The following DLC1 variants were observed in gnomAD, a reference collection of about 807,000 sequenced individuals.
The protein encoded by DLC1 is rho GTPase-activating protein 7.
Under a neutral mutation model 140.3 loss-of-function variants are expected in DLC1, and 54 were observed. The ratio of observed to expected loss-of-function variants is 0.38; its 90% CI spans 0.31 to 0.48. The LOEUF is 0.48. Ranked by LOEUF, DLC1 falls within the 20% of genes least tolerant of loss-of-function variation. The pLI is 0.96. For synonymous variants in DLC1, 986 were observed against 728.1 expected (o/e 1.35, Z -5.70); for missense variants, 2,536 against 1,907.0 (o/e 1.33, Z -6.14).
intron 5 of DLC1, among the ~76,000 whole-genome samples, chr8:13,237,626 C>G (rs73560341): frequency 0.015 from 2,312 of 152,136 alleles, 66 homozygotes; most frequent in African/African-American, 0.053. Flanking sequence ...TACCTCCCCA[C>G]CTGAGTCCCC....
intron 2 of DLC1, among the ~76,000 whole-genome samples, chr8:13,405,978 C>G (rs1296039320): frequency 3.7e-5 from 2 of 54,466 alleles, no homozygotes; most frequent in Non-Finnish European, 3.7e-5. Context: ...TCTTTCATCT[C>G]TCTCTCTCTC....
chr8:13,360,855 C>G (rs1321247893), intron 4 of DLC1, among the ~76,000 whole-genome samples: 1 of 151,728 alleles, frequency 6.6e-6, no homozygotes, highest in Non-Finnish European at 1.5e-5. Context: ...TTTTGCATGG[C>G]TGGGCTCATG....
chr8:13,579,245 C>CATATATATATATATATATAT (rs749246152), intron 1 of DLC1, among the ~76,000 whole-genome samples: 376 of 18,888 alleles, frequency 0.02, 75 homozygotes, highest in South Asian at 0.04. Flanking sequence ...GAACAGGGAG[C>CATATATATATATATATATAT]ATATATATAT....
Position 13,100,025 on chromosome 8 carries a change from C to T in DLC1, c.2312G>A (p.Arg771Gln), listed in dbSNP as rs564263815. ...GAAGCCCTCTAAGTACATGCCCACC[C>T]GCTTGTTGCACGCACTGAGGCTCCG... The part of the protein sequence containing the change: ...RTRSLSACNK[R>Q]VGMYLEGFDP... Residue 771 changes from arginine (R) to glutamine (Q), a missense_variant, in exon 9 of 18, where the codon CGG (arginine) becomes CAG (glutamine). Transcript: ENST00000276297. 1.2e-6 allele frequency: 2 copies of T among 1,612,918 alleles called. No homozygotes were observed. The highest frequency in any genetic ancestry group is 1.1e-5 in the South Asian group (1 of 91,076).
At chr8:13,602,182 C>G (rs529502991) in intron 1 of DLC1, among the ~76,000 whole-genome samples, 9 of 151,574 alleles carry the variant, frequency 5.9e-5, no homozygotes, top group Non-Finnish European at 1.3e-4. Context: ...CAGCAAAATC[C>G]AGAAAGAAAA....
At chr8:13,120,070 T>C (rs866452631) in intron 5 of DLC1, among the ~76,000 whole-genome samples, 3 of 151,714 alleles carry the variant, frequency 2.0e-5, no homozygotes, top group South Asian at 4.2e-4. Context: ...AGCTTGGGCA[T>C]GGTGGCTCAC....
intron 2 of DLC1, among the ~76,000 whole-genome samples, chr8:13,406,899 C>G (rs954927596): frequency 1.3e-5 from 2 of 152,140 alleles, no homozygotes; most frequent in African/African-American, 4.8e-5. Flanking sequence ...TGACTGTGAG[C>G]TGAACTTGAG....
At chr8:13,287,838 G>C (rs1055865234) in intron 5 of DLC1, among the ~76,000 whole-genome samples, 17 of 151,760 alleles carry the variant, frequency 1.1e-4, no homozygotes, top group South Asian at 2.1e-4. Context: ...TGCCAATTAA[G>C]TGTAAAATAT....
chr8:13,466,249 C>T (rs532497396), intron 2 of DLC1, among the ~76,000 whole-genome samples: 20 of 152,326 alleles, frequency 1.3e-4, no homozygotes, highest in African/African-American at 4.8e-4. Context: ...TTGCTACCTA[C>T]CTGCTCGCTG....
At chr8:13,572,247 G>A (rs1325093009) in intron 1 of DLC1, among the ~76,000 whole-genome samples, 3 of 151,752 alleles carry the variant, frequency 2.0e-5, no homozygotes, top group African/African-American at 4.8e-5. Context: ...CTGCCACCAC[G>A]CCCAGCTAAT....
intron 5 of DLC1, chr8:13,305,007 GA>G (rs1409428152): frequency 3.7e-5 from 40 of 1,092,504 alleles, no homozygotes; most frequent in East Asian, 2.2e-4. Flanking sequence ...TTTTGCTTAA[GA>G]AAAAAAAATT....
intron 5 of DLC1, among the ~76,000 whole-genome samples, chr8:13,142,088 T>C (rs1823040295): frequency 6.6e-6 from 1 of 152,216 alleles, no homozygotes; most frequent in Non-Finnish European, 1.5e-5. Context: ...CCCACACTCA[T>C]ACATACACAG....
intron 2 of DLC1, among the ~76,000 whole-genome samples, chr8:13,443,958 C>T (rs1329260272): frequency 6.6e-6 from 1 of 152,128 alleles, no homozygotes; most frequent in African/African-American, 2.4e-5. Context: ...TATCCTGAAG[C>T]TATCTGAAAT....
intron 1 of DLC1, among the ~76,000 whole-genome samples, chr8:13,598,200 T>A (rs556605153): frequency 6.6e-6 from 1 of 152,112 alleles, no homozygotes; most frequent in African/African-American, 2.4e-5. Flanking sequence ...AAAAATAAAA[T>A]GGGATATAAA....
intron 1 of DLC1, among the ~76,000 whole-genome samples, chr8:13,593,758 C>A (rs1805597184): frequency 1.3e-5 from 2 of 152,070 alleles, no homozygotes; most frequent in African/African-American, 4.8e-5. Flanking sequence ...ATTAGTTATA[C>A]TCAGAAGTGA....
intron 2 of DLC1, among the ~76,000 whole-genome samples, chr8:13,453,449 C>A (rs867034760): frequency 1.9e-4 from 2 of 10,558 alleles, no homozygotes; most frequent in Admixed American, 1.9e-3. Context: ...TATATATATA[C>A]ATATATATAT....
At chr8:13,515,050 G>A (rs766626581), upstream of DLC1, among the ~76,000 whole-genome samples, 2 of 152,082 alleles carry the variant, frequency 1.3e-5, no homozygotes, top group Non-Finnish European at 2.9e-5. Context: ...GTGATTAGCT[G>A]TAGAGTCATA....
intron 5 of DLC1, among the ~76,000 whole-genome samples, chr8:13,198,390 A>G (rs550510156): frequency 7.7e-4 from 118 of 152,278 alleles, no homozygotes; most frequent in African/African-American, 2.4e-3. Flanking sequence ...ACCTCTCCCA[A>G]TTGAACAAAA....
At chr8:13,129,005 T>C (rs1450744247) in intron 5 of DLC1, among the ~76,000 whole-genome samples, 1 of 149,358 alleles carries the variant, frequency 6.7e-6, no homozygotes, top group Admixed American at 6.7e-5. Flanking sequence ...CCGCAGTTCT[T>C]ATCACTGATC....
Sources: allele counts gnomAD v4.1 joint callset (sites outside exome capture counted in the v4.1 genomes callset), GRCh38; gene constraint gnomAD v4.1.1; transcripts MANE v1.5; gene names NCBI Gene and HGNC (gene_info 2026-07-23, HGNC 2026-07-21).